The following CCR5AS variants were observed in gnomAD, a reference collection of about 807,000 sequenced individuals.
CCR5AS encodes the protein CCR5 antisense RNA.
At chr3:46,387,855 G>A (rs1400056418) in intron 2 of CCR5AS, among the ~76,000 whole-genome samples, 1 of 152,164 alleles carries the variant, frequency 6.6e-6, no homozygotes, top group Non-Finnish European at 1.5e-5. Flanking sequence ...TACAGTTAAA[G>A]GGGGTTGTCC....
chr3:46,385,495 G>A (rs1035379299), intron 2 of CCR5AS, among the ~76,000 whole-genome samples: 6 of 152,138 alleles, frequency 3.9e-5, no homozygotes, highest in Non-Finnish European at 8.8e-5. Context: ...CTCATTATAT[G>A]CTCAATAACA....
intron 1 of CCR5AS, among the ~76,000 whole-genome samples, chr3:46,400,891 A>C (rs1286371362): frequency 1.3e-5 from 2 of 152,254 alleles, no homozygotes; most frequent in African/African-American, 4.8e-5. Context: ...TAGCCAAAAA[A>C]TGGCACCGAG....
At chr3:46,370,276 G>C (rs1294390931) in intron 3 of CCR5AS, among the ~76,000 whole-genome samples, 1 of 152,066 alleles carries the variant, frequency 6.6e-6, no homozygotes, top group African/African-American at 2.4e-5. Context: ...TAAGATCCTG[G>C]GTCCAGAAAA....
intron 1 of CCR5AS, among the ~76,000 whole-genome samples, chr3:46,395,123 G>A (rs1230278026): frequency 6.6e-6 from 1 of 152,142 alleles, no homozygotes; most frequent in Non-Finnish European, 1.5e-5. Context: ...GAGGGCTCAA[G>A]GGAGGACTTG....
chr3:46,385,499 A>G (rs1701852901), intron 2 of CCR5AS, among the ~76,000 whole-genome samples: 1 of 152,168 alleles, frequency 6.6e-6, no homozygotes, highest in African/African-American at 2.4e-5. Context: ...TTATATGCTC[A>G]ATAACATACC....
intron 2 of CCR5AS, among the ~76,000 whole-genome samples, chr3:46,376,455 G>T (rs150855419): frequency 4.1e-4 from 62 of 152,244 alleles, no homozygotes; most frequent in African/African-American, 1.5e-3. Context: ...AAGGTTGCTG[G>T]TTGCTGAGCA....
chr3:46,387,858 G>A (rs1054500039), intron 2 of CCR5AS, among the ~76,000 whole-genome samples: 1 of 152,126 alleles, frequency 6.6e-6, no homozygotes, highest in South Asian at 2.1e-4. Flanking sequence ...AGTTAAAGGG[G>A]GTTGTCCTCT....
At chr3:46,376,841 A>C (rs1433803946) in intron 2 of CCR5AS, among the ~76,000 whole-genome samples, 1 of 152,146 alleles carries the variant, frequency 6.6e-6, no homozygotes, top group Non-Finnish European at 1.5e-5. Flanking sequence ...CTGCACACTC[A>C]TCTCCCAGCA....
intron 3 of CCR5AS, among the ~76,000 whole-genome samples, chr3:46,370,515 G>A (rs1042721715): frequency 8.5e-5 from 13 of 152,142 alleles, no homozygotes; most frequent in African/African-American, 2.7e-4. Flanking sequence ...TTAATTAATA[G>A]CAACTCTTAA....
At chr3:46,371,247 T>A (rs1701656556) in exon 3 of CCR5AS, 1 of 152,158 alleles carries the variant, frequency 6.6e-6, no homozygotes, top group Non-Finnish European at 1.5e-5. Flanking sequence ...TCCTTACCTC[T>A]CAAAAGAAAG....
chr3:46,387,737 T>C (rs1391085438), intron 2 of CCR5AS, among the ~76,000 whole-genome samples: 1 of 152,184 alleles, frequency 6.6e-6, no homozygotes, highest in Non-Finnish European at 1.5e-5. Flanking sequence ...TGTGAGCAAT[T>C]AAGCTTTTTA....
intron 1 of CCR5AS, among the ~76,000 whole-genome samples, chr3:46,394,214 C>G (rs1024063628): frequency 6.6e-6 from 1 of 152,160 alleles, no homozygotes; most frequent in Non-Finnish European, 1.5e-5. Context: ...CATCCTGGAA[C>G]ACTCAGGACA....
chr3:46,369,988 G>A (rs1445903207), intron 3 of CCR5AS, among the ~76,000 whole-genome samples: 2 of 152,192 alleles, frequency 1.3e-5, no homozygotes, highest in African/African-American at 2.4e-5. Flanking sequence ...TGGCTCGGGA[G>A]TAGCTCTCTG....
intron 1 of CCR5AS, among the ~76,000 whole-genome samples, chr3:46,404,198 C>G (rs1238514626): frequency 6.6e-6 from 1 of 152,030 alleles, no homozygotes; most frequent in African/African-American, 2.4e-5. Context: ...TTCAACCTCC[C>G]TGATATAAGA....
At chr3:46,365,212 G>A (rs1701588084) in intron 3 of CCR5AS, among the ~76,000 whole-genome samples, 1 of 152,168 alleles carries the variant, frequency 6.6e-6, no homozygotes, top group Non-Finnish European at 1.5e-5. Context: ...GAAGGGAAGA[G>A]TCGACCAAGG....
At chr3:46,376,058 G>A (rs912262083) in intron 2 of CCR5AS, 1 of 167,024 alleles carries the variant, frequency 6.0e-6, no homozygotes, top group Non-Finnish European at 1.5e-5. Flanking sequence ...CTTAAGTTGT[G>A]GAGAGTGCAA....
At chr3:46,402,818 T>C (rs1702014627) in intron 1 of CCR5AS, among the ~76,000 whole-genome samples, 1 of 152,210 alleles carries the variant, frequency 6.6e-6, no homozygotes, top group Admixed American at 6.5e-5. Context: ...GGGTTTGTTG[T>C]ACAAATTATT....
intron 2 of CCR5AS, among the ~76,000 whole-genome samples, chr3:46,386,490 G>C (rs1559572954): frequency 1.3e-5 from 2 of 152,200 alleles, no homozygotes; most frequent in Non-Finnish European, 2.9e-5. Context: ...TGCCTGACCA[G>C]GCCTGGACTA....
intron 1 of CCR5AS, among the ~76,000 whole-genome samples, chr3:46,405,515 C>T (rs1264590778): frequency 4.6e-5 from 7 of 152,160 alleles, no homozygotes; most frequent in Non-Finnish European, 7.3e-5. Flanking sequence ...CCCGCACCTA[C>T]TCATTCAAGA....
Sources: allele counts gnomAD v4.1 joint callset (sites outside exome capture counted in the v4.1 genomes callset), GRCh38; gene constraint gnomAD v4.1.1; transcripts MANE v1.5; gene names NCBI Gene and HGNC (gene_info 2026-07-23, HGNC 2026-07-21).